Variants in C1orf87 observed in about 807,000 individuals in gnomAD.
The protein encoded by C1orf87 is uncharacterized protein C1orf87.
Under a neutral mutation model 60.5 loss-of-function variants are expected in C1orf87, and 58 were observed. The ratio of observed to expected loss-of-function variants is 0.96; its 90% CI spans 0.78 to 1.19. The LOEUF is 1.19. Ranked by LOEUF, C1orf87 falls within the 50% of genes most tolerant of loss-of-function variation. The pLI, the probability that C1orf87 is intolerant of heterozygous loss-of-function variation, is 0.00. For missense variants in C1orf87, 673 were observed against 638.6 expected (o/e 1.05, Z -0.58); for synonymous variants, 236 against 227.4 (o/e 1.04, Z -0.34).
intron 11 of C1orf87, among the ~76,000 whole-genome samples, chr1:59,992,903 A>T (rs984083508): frequency 6.6e-6 from 1 of 152,196 alleles, no homozygotes; most frequent in Non-Finnish European, 1.5e-5. Flanking sequence ...CTCTCTTATT[A>T]GAACAGTGGT....
intron 8 of C1orf87, among the ~76,000 whole-genome samples, chr1:60,023,902 T>C (rs2100273901): frequency 6.6e-6 from 1 of 152,312 alleles, no homozygotes; most frequent in African/African-American, 2.4e-5. Flanking sequence ...TTTAGTGTTT[T>C]TCACATTATT....
chr1:59,991,474 T>A (rs1644923233), intron 11 of C1orf87, among the ~76,000 whole-genome samples: 1 of 152,240 alleles, frequency 6.6e-6, no homozygotes, highest in Admixed American at 6.5e-5. Flanking sequence ...GCAATTGCAA[T>A]GCAAATAGTT....
At chr1:60,028,503 A>G (rs1468989389) in intron 7 of C1orf87, among the ~76,000 whole-genome samples, 1 of 152,176 alleles carries the variant, frequency 6.6e-6, no homozygotes, top group Non-Finnish European at 1.5e-5. Context: ...TGGTAAGAAA[A>G]TGTTTCTATG....
chr1:60,032,956 C>A (rs186818872), intron 7 of C1orf87, among the ~76,000 whole-genome samples: 8 of 152,178 alleles, frequency 5.3e-5, no homozygotes, highest in Non-Finnish European at 7.4e-5. Context: ...TCCAAAGAAG[C>A]CTTATGATGG....
At chr1:60,037,719 A>G (rs918332830) in intron 6 of C1orf87, among the ~76,000 whole-genome samples, 16 of 152,160 alleles carry the variant, frequency 1.1e-4, no homozygotes, top group African/African-American at 3.6e-4. Context: ...AAACCATACC[A>G]ATACCTTTGT....
intron 7 of C1orf87, among the ~76,000 whole-genome samples, chr1:60,028,538 A>C (rs912386419): frequency 3.7e-4 from 57 of 152,332 alleles, no homozygotes; most frequent in African/African-American, 1.4e-3. Flanking sequence ...TAATAAGGAA[A>C]TGTTTTTAAC....
chr1:60,002,498 A>G (rs1301666587), intron 9 of C1orf87, among the ~76,000 whole-genome samples: 1 of 151,944 alleles, frequency 6.6e-6, no homozygotes, highest in South Asian at 2.1e-4. Flanking sequence ...TTTCTTGTAA[A>G]TTTGTTTGAG....
chr1:60,053,851 C>T (rs1432091982), intron 3 of C1orf87, among the ~76,000 whole-genome samples: 1 of 152,092 alleles, frequency 6.6e-6, no homozygotes, highest in African/African-American at 2.4e-5. Context: ...ACTTATGAGT[C>T]ACTTTATCCT....
intron 9 of C1orf87, among the ~76,000 whole-genome samples, chr1:60,002,616 T>G (rs1003928126): frequency 2.0e-5 from 3 of 152,070 alleles, no homozygotes; most frequent in African/African-American, 4.8e-5. Context: ...TCTTTTGCTG[T>G]GCAGAAGCTC....
rs563993004 is a variant in C1orf87 at position 60,029,802 on chromosome 1, G to A, written c.1029+3674C>T. Among the ~76,000 whole-genome samples the A allele has an allele frequency of 1.6e-4, 25 of 151,868 alleles. No individual in the cohort carries two copies. In the East Asian group the frequency reaches 2.9e-3, roughly 18 times the overall value. ...ACTACAGGCATGCGCCACCATGCCC[G>A]GCTAATTTTTTTATTTTTAGCAGAG... is the stretch of plus-strand genomic sequence containing the variant. On this transcript the variant is annotated intron_variant, in intron 7 of 11. Transcript: ENST00000371201.
chr1:60,006,938 G>T (rs112199192), intron 9 of C1orf87, among the ~76,000 whole-genome samples: 2 of 151,360 alleles, frequency 1.3e-5, no homozygotes, highest in East Asian at 1.9e-4. Flanking sequence ...TTCTGACAGG[G>T]TCTCACTCTT....
chr1:60,061,220 A>G (rs938803242), intron 2 of C1orf87, among the ~76,000 whole-genome samples: 25 of 152,346 alleles, frequency 1.6e-4, no homozygotes, highest in African/African-American at 6.0e-4. Context: ...ATACTCTATC[A>G]ATATAAATTT....
intron 2 of C1orf87, among the ~76,000 whole-genome samples, chr1:60,064,789 A>C (rs1321295043): frequency 5.4e-5 from 5 of 92,508 alleles, no homozygotes; most frequent in Non-Finnish European, 9.4e-5. Flanking sequence ...ATAAATATAT[A>C]TTAAATATAT....
intron 7 of C1orf87, among the ~76,000 whole-genome samples, chr1:60,031,305 T>C (rs1442754995): frequency 6.6e-6 from 1 of 152,210 alleles, no homozygotes; most frequent in Non-Finnish European, 1.5e-5. Flanking sequence ...CCCAGAACTG[T>C]ATTATGCTCT....
intron 2 of C1orf87, among the ~76,000 whole-genome samples, chr1:60,065,692 ATTAACT>A (rs1414523847): frequency 6.6e-6 from 1 of 152,168 alleles, no homozygotes; most frequent in East Asian, 1.9e-4. Flanking sequence ...TTCTAAAACC[ATTAACT>A]TTAACACTTA....
At position 60,041,069 on chromosome 1, in the gene C1orf87, A is replaced by G; in HGVS notation, c.405T>C (p.Tyr135=). The G allele has an allele frequency of 1.2e-6, 2 of 1,613,424 alleles. No homozygotes were observed. Among genetic ancestry groups the G allele is most frequent in the Admixed American group, 1.7e-5 (1 of 60,006 alleles). Residue 135 remains tyrosine, a synonymous_variant, in exon 4 of 12, where the codon TAT becomes TAC. Transcript: ENST00000371201. ...SVPTGDQSLS[Y]VHGIPRRKLR... ...GCTTTCTCCTGGGAATGCCATGCAC[A>G]TAGGATAAGGACTGGTCTCCGGTTG...
At chr1:60,005,770 C>CGTGTGTGTGTGT (rs139222813) in intron 9 of C1orf87, among the ~76,000 whole-genome samples, 1 of 144,006 alleles carries the variant, frequency 6.9e-6, no homozygotes, top group African/African-American at 2.6e-5. Flanking sequence ...GAAGCTGATT[C>CGTGTGTGTGTGT]GTGTGTGTGT....
intron 11 of C1orf87, among the ~76,000 whole-genome samples, chr1:59,995,234 T>C (rs1048048087): frequency 2.2e-4 from 34 of 152,148 alleles, no homozygotes; most frequent in African/African-American, 7.7e-4. Flanking sequence ...TTTAGCAATG[T>C]CATTTTTTTA....
rs1645555840 is a variant in C1orf87, at chr1:60,067,559, G to GTTTTTTTTTTTTTTT, written c.107+4977_107+4978insAAAAAAAAAAAAAAA. ...ATATCTTTTGCCCACTTTTTGATGG[G>GTTTTTTTTTTTTTTT]GTTTTTTTTTTTTTTTTTTTTTTGG... On this transcript the variant is annotated intron_variant, in intron 2 of 11. Transcript: ENST00000371201. Among the ~76,000 whole-genome samples, 3 of 133,056 alleles carry GTTTTTTTTTTTTTTT rather than the reference G, an allele frequency of 2.3e-5. 1 individual carries two copies. The highest frequency in any genetic ancestry group is 1.6e-5 in the Non-Finnish European group (1 of 61,084). The allele number at this position is 133,056 out of a possible 152,430, so 87.3% of individuals were successfully genotyped here.
Sources: allele counts gnomAD v4.1 joint callset (sites outside exome capture counted in the v4.1 genomes callset), GRCh38; gene constraint gnomAD v4.1.1; transcripts MANE v1.5; gene names NCBI Gene and HGNC (gene_info 2026-07-23, HGNC 2026-07-21).